The following PPP2CA variants were observed in gnomAD, a reference collection of about 807,000 sequenced individuals.
PPP2CA encodes serine/threonine-protein phosphatase 2A catalytic subunit alpha isoform.
In PPP2CA, 5 loss-of-function variants were observed where a neutral mutation model predicts 38.8. The ratio of observed to expected loss-of-function variants is 0.13; its 90% CI spans 0.07 to 0.27. PPP2CA has a LOEUF of 0.27. Ranked by LOEUF, PPP2CA falls within the 10% of genes least tolerant of loss-of-function variation. PPP2CA has a pLI of 1.00. For missense variants in PPP2CA, 88 were observed against 389.7 expected, an observed-to-expected ratio of 0.23 and a Z score of 6.52; for synonymous variants, 152 against 134.0, an observed-to-expected ratio of 1.13 and a Z score of -0.93.
intron 1 of PPP2CA, among the ~76,000 whole-genome samples, chr5:134,223,363 T>C (rs758439711): frequency 6.6e-6 from 1 of 152,170 alleles, no homozygotes; most frequent in African/African-American, 2.4e-5. Flanking sequence ...AAAACATCAG[T>C]TCATGGATTC....
intron 1 of PPP2CA, among the ~76,000 whole-genome samples, chr5:134,219,054 G>A (rs1762383690): frequency 6.6e-6 from 1 of 152,136 alleles, no homozygotes; most frequent in South Asian, 2.1e-4. Context: ...ATTAAGTAAA[G>A]CCAGCCAAAA....
chr5:134,200,904 A>C, intron 4 of PPP2CA, 81 bp downstream of exon 4: 1 of 1,127,546 alleles, frequency 8.9e-7, no homozygotes, highest in South Asian at 1.3e-5. Context: ...ATATGAGAGA[A>C]TACATCTAAT....
chr5:134,221,946 CAA>C (rs1041488089), intron 1 of PPP2CA, among the ~76,000 whole-genome samples: 2 of 112,612 alleles, frequency 1.8e-5, no homozygotes, highest in Non-Finnish European at 3.7e-5. Context: ...CCAGACTGGG[CAA>C]AAGAGTAAGA....
chr5:134,218,207 T>A (rs1360492973), intron 1 of PPP2CA, among the ~76,000 whole-genome samples: 1 of 152,116 alleles, frequency 6.6e-6, no homozygotes, highest in East Asian at 1.9e-4. Context: ...ATGGTTATAT[T>A]TTAAAAGTTT....
intron 1 of PPP2CA, among the ~76,000 whole-genome samples, chr5:134,221,625 A>C (rs2868600): frequency 0.77 from 116,647 of 152,006 alleles, 45,217 homozygotes; most frequent in Non-Finnish European, 0.82. Flanking sequence ...CAAGACAAAG[A>C]GGAACAACAG....
At chr5:134,204,256 G>A (rs7701836) in intron 2 of PPP2CA, among the ~76,000 whole-genome samples, 118,161 of 152,024 alleles carry the variant, frequency 0.78, 46,375 homozygotes, top group Non-Finnish European at 0.82. Context: ...GCCTAGGGGG[G>A]AAAAAATCTC....
At chr5:134,224,500 A>T in intron 1 of PPP2CA, 1 of 351,900 alleles carries the variant, frequency 2.8e-6, no homozygotes, top group Non-Finnish European at 5.5e-6. Flanking sequence ...ACCAGAAACA[A>T]ATCAGGATAA....
chr5:134,208,199 A>C (rs1481458743), intron 1 of PPP2CA, among the ~76,000 whole-genome samples: 1 of 152,230 alleles, frequency 6.6e-6, no homozygotes, highest in African/African-American at 2.4e-5. Context: ...TCAGAAGTTA[A>C]ATGTTAATAT....
intron 1 of PPP2CA, among the ~76,000 whole-genome samples, chr5:134,207,318 T>C (rs1034395893): frequency 6.6e-6 from 1 of 152,088 alleles, no homozygotes; most frequent in Non-Finnish European, 1.5e-5. Context: ...GGCAGGAGAA[T>C]TGCTTAAACT....
chr5:134,202,064 A>G (rs1213819957), intron 2 of PPP2CA, 43 bp from the exon 3 acceptor site: 1 of 1,518,990 alleles, frequency 6.6e-7, no homozygotes, highest in Non-Finnish European at 8.8e-7. Flanking sequence ...AGCTCTTTCA[A>G]AAACCAATGA....
At chr5:134,208,842 A>C (rs1762140657) in intron 1 of PPP2CA, among the ~76,000 whole-genome samples, 1 of 152,236 alleles carries the variant, frequency 6.6e-6, no homozygotes, top group African/African-American at 2.4e-5. Context: ...AATATTGTTC[A>C]GCAGCCTGCT....
At chr5:134,209,833 T>C (rs183378101) in intron 1 of PPP2CA, among the ~76,000 whole-genome samples, 3 of 150,972 alleles carry the variant, frequency 2.0e-5, no homozygotes, top group Admixed American at 1.3e-4. Context: ...ATCCCAACAC[T>C]TTGGAAGGTA....
intron 1 of PPP2CA, among the ~76,000 whole-genome samples, chr5:134,212,656 A>C (rs569628716): frequency 9.2e-5 from 14 of 152,332 alleles, no homozygotes; most frequent in African/African-American, 2.6e-4. Flanking sequence ...GGCATATGGA[A>C]ACTCCAGACA....
chr5:134,218,683 T>C (rs954772904), intron 1 of PPP2CA, among the ~76,000 whole-genome samples: 2 of 151,540 alleles, frequency 1.3e-5, no homozygotes, highest in Admixed American at 6.6e-5. Flanking sequence ...TTTTTTTTTT[T>C]CTTTTAAGAT....
At chr5:134,201,607 T>C (rs1440864764) in intron 3 of PPP2CA, among the ~76,000 whole-genome samples, 1 of 152,256 alleles carries the variant, frequency 6.6e-6, no homozygotes, top group Non-Finnish European at 1.5e-5. Flanking sequence ...GTAAATGGGC[T>C]ACATCACCCA....
intron 5 of PPP2CA, among the ~76,000 whole-genome samples, chr5:134,200,022 A>G (rs1357609104): frequency 6.6e-6 from 1 of 152,228 alleles, no homozygotes; most frequent in Non-Finnish European, 1.5e-5. Flanking sequence ...AATATACGAA[A>G]TAACATTGGG....
intron 1 of PPP2CA, among the ~76,000 whole-genome samples, chr5:134,206,353 G>A (rs909550043): frequency 3.0e-4 from 45 of 152,060 alleles, no homozygotes; most frequent in African/African-American, 7.2e-4. Context: ...ATCAATACCA[G>A]GAGTTTTTTA....
chr5:134,214,510 T>C (rs978801566), intron 1 of PPP2CA, among the ~76,000 whole-genome samples: 1 of 152,224 alleles, frequency 6.6e-6, no homozygotes, highest in Non-Finnish European at 1.5e-5. Flanking sequence ...GCCAATTTGT[T>C]ATACAATAAT....
At position 134,200,975 on chromosome 5, in the gene PPP2CA, A is replaced by G. The variant is rs754268759; in HGVS notation, c.576+10T>C. The G allele has an allele frequency of 1.5e-5, 24 of 1,583,140 alleles. No homozygotes were observed. In the Admixed American group the frequency reaches 3.8e-4, roughly 25 times the overall value. ...TTTTCTGAAAGAATTTTATCAAATA[A>G]AAGTCATACCTCATGGGGAACTTCT... On this transcript the variant is annotated intron_variant, in intron 4 of 6. Coordinates refer to ENST00000481195, the MANE Select transcript of PPP2CA (RefSeq NM_002715.4).
Sources: allele counts gnomAD v4.1 joint callset (sites outside exome capture counted in the v4.1 genomes callset), GRCh38; gene constraint gnomAD v4.1.1; transcripts MANE v1.5; gene names NCBI Gene and HGNC (gene_info 2026-07-23, HGNC 2026-07-21).